Variants in DCC observed in about 807,000 individuals in gnomAD.
The protein encoded by DCC is netrin receptor DCC.
Under a neutral mutation model 172.5 loss-of-function variants are expected in DCC, and 58 were observed. The observed-to-expected ratio is 0.34, with a 90% confidence interval of 0.27 to 0.42. The LOEUF (loss-of-function observed/expected upper bound fraction) is 0.42. Among genes scored for constraint, DCC ranks in the 10% least tolerant of loss-of-function variants. The pLI is 1.00. For synonymous variants in DCC, 709 were observed against 644.5 expected, an observed-to-expected ratio of 1.10 and a Z score of -1.52; for missense variants, 1,740 against 1,791.0, an observed-to-expected ratio of 0.97 and a Z score of 0.51.
At chr18:53,393,130 T>G (rs1349218939) in intron 17 of DCC, among the ~76,000 whole-genome samples, 1 of 139,236 alleles carries the variant, frequency 7.2e-6, no homozygotes, top group African/African-American at 2.6e-5. Flanking sequence ...AGTAGTGATT[T>G]TGGGGGGATG....
intron 2 of DCC, among the ~76,000 whole-genome samples, chr18:52,898,893 C>T (rs2039770863): frequency 6.6e-6 from 1 of 152,124 alleles, no homozygotes; most frequent in South Asian, 2.1e-4. Context: ...GAGGGGCTGG[C>T]CCTGAGACCA....
At position 53,410,613 on chromosome 18, in the gene DCC, C is replaced by T; in HGVS notation, c.3097C>T (p.Leu1033Phe). The change falls in exon 20 of 29, where the codon CTC becomes TTC. Residue 1033 changes from leucine to phenylalanine, a missense_variant. Around this residue, in one of 2 missense-constraint regions of DCC, gnomAD observed 1,732 missense variants for 1,767.4 expected, o/e 0.98. Coordinates refer to ENST00000442544, the MANE Select transcript of DCC (RefSeq NM_005215.4). ...ACGAAATTCAAAAGGAGTGGGGCCA[C>T]TCTCTGATCCTATCCTCTTCAGGAC... is the stretch of plus-strand genomic sequence containing the variant. Reference protein sequence around the residue: ...QARNSKGVGPLSDPILFRTLK... With the variant: ...QARNSKGVGPFSDPILFRTLK... The T allele has an allele frequency of 6.2e-7, 1 of 1,608,284 alleles. No homozygotes were observed. Among genetic ancestry groups the T allele is most frequent in the Admixed American group, 1.7e-5 (1 of 59,980 alleles).
At chr18:53,330,333 C>T (rs1306771567) in intron 14 of DCC, among the ~76,000 whole-genome samples, 2 of 152,110 alleles carry the variant, frequency 1.3e-5, no homozygotes, top group Non-Finnish European at 2.9e-5. Context: ...GCCTCCCTAT[C>T]ACCCTCAACT....
At chr18:52,542,385 C>T (rs1277941517) in intron 1 of DCC, among the ~76,000 whole-genome samples, 1 of 152,026 alleles carries the variant, frequency 6.6e-6, no homozygotes, top group Non-Finnish European at 1.5e-5. Flanking sequence ...TTAAATTAAG[C>T]CACAGAACCA....
At chr18:53,204,197 A>AC (rs369646568) in intron 9 of DCC, among the ~76,000 whole-genome samples, 47 of 150,722 alleles carry the variant, frequency 3.1e-4, no homozygotes, top group African/African-American at 1.1e-3. Flanking sequence ...AGAAAAAAAA[A>AC]CCCTGCACAG....
rs191028735 is a variant in DCC, at chr18:52,829,458, C to T, written c.413-76586C>T. ...AGTCTCTTTAATCTCCAAGATTGTA[C>T]ACATCTGTAAATTTGTGAAATGCCT... On this transcript the variant is annotated intron_variant, in intron 2 of 28. Coordinates refer to ENST00000442544, the MANE Select transcript of DCC (RefSeq NM_005215.4). 1.6e-3 allele frequency among the ~76,000 whole-genome samples: 237 copies of T among 152,278 alleles called. 1 individual carries two copies. Among genetic ancestry groups the T allele is most frequent in the African/African-American group, 5.6e-3 (233 of 41,544 alleles).
At chr18:52,769,602 T>C (rs1222854242) in intron 2 of DCC, among the ~76,000 whole-genome samples, 1 of 152,226 alleles carries the variant, frequency 6.6e-6, no homozygotes, top group East Asian at 1.9e-4. Context: ...CAATTATTTC[T>C]TTCAAGGATC....
Position 52,978,587 on chromosome 18 carries a change from C to T in DCC, c.985+53217C>T, listed in dbSNP as rs367626300. 5.3e-5 allele frequency among the ~76,000 whole-genome samples: 8 copies of T among 152,268 alleles called. No homozygotes were observed. The East Asian group carries it at 9.7e-4, about 18-fold the overall frequency. On this transcript the variant is annotated intron_variant, in intron 5 of 28. Transcript: ENST00000442544. ...TTTTATACAGGAGGAAACCAAAGTA[C>T]AGGTGGTATTGTGCCAAAGACCACA...
intron 7 of DCC, among the ~76,000 whole-genome samples, chr18:53,123,176 A>G (rs1363814134): frequency 2.0e-5 from 3 of 152,086 alleles, no homozygotes; most frequent in Non-Finnish European, 4.4e-5. Context: ...ATGCAAATAC[A>G]TTGGAGGGTA....
chr18:52,704,166 T>C lies in DCC; in HGVS notation c.92-47888T>C, dbSNP rs151171446. ...AATATATTATTAATCTCTGTCAACATACACATAAAACTTCCAACCTTTGTA... is the reference window on the plus strand; with the variant it reads ...AATATATTATTAATCTCTGTCAACACACACATAAAACTTCCAACCTTTGTA... On this transcript the variant is annotated intron_variant, in intron 1 of 28. Coordinates refer to ENST00000442544, the MANE Select transcript of DCC (RefSeq NM_005215.4). Among the ~76,000 whole-genome samples, 23 of 150,592 alleles carry C rather than the reference T, an allele frequency of 1.5e-4. No homozygotes were observed. In the East Asian group the frequency reaches 4.4e-3, roughly 29 times the overall value.
Position 52,737,977 on chromosome 18 carries a change from G to GA in DCC, c.92-14077_92-14076insA, listed in dbSNP as rs543438933. Among the ~76,000 whole-genome samples the GA allele has an allele frequency of 1.3e-4, 20 of 152,194 alleles. No individual in the cohort carries two copies. The South Asian group carries it at 3.9e-3, about 30-fold the overall frequency. On this transcript the variant is annotated intron_variant, in intron 1 of 28. Transcript: ENST00000442544. ...TCATCAGACTACAGCCCAAAGGAGG[G>GA]CCAACTTTGGCCCTCTGCCTGTTTT...
chr18:52,986,616 G>T (rs2041297037), intron 5 of DCC, among the ~76,000 whole-genome samples: 1 of 151,714 alleles, frequency 6.6e-6, no homozygotes, highest in African/African-American at 2.4e-5. Flanking sequence ...TCTTTTTTCA[G>T]AACTGTTATA....
In DCC at chr18:53,403,381, G is replaced by A. The variant is rs182510870; in HGVS notation, c.2935+488G>A. ...TTTAGCTTCTTACTTAAATCATAAA[G>A]TTCACAAAACACTTAATATTGACTG... On this transcript the variant is annotated intron_variant, in intron 19 of 28. Transcript: ENST00000442544. Among the ~76,000 whole-genome samples the A allele has an allele frequency of 2.2e-3, 340 of 152,266 alleles. 1 individual carries two copies. Among genetic ancestry groups the A allele is most frequent in the Non-Finnish European group, 3.8e-3 (261 of 68,026 alleles).
At chr18:53,206,189 C>CATATATAATACATATAT (rs56392136) in intron 10 of DCC, among the ~76,000 whole-genome samples, 13 of 129,198 alleles carry the variant, frequency 1.0e-4, no homozygotes, top group East Asian at 4.3e-4. Flanking sequence ...AATACATATA[C>CATATATAATACATATAT]GTATACATAT....
chr18:53,500,635 C>T (rs2046085354), intron 27 of DCC, among the ~76,000 whole-genome samples: 1 of 151,538 alleles, frequency 6.6e-6, no homozygotes, highest in Non-Finnish European at 1.5e-5. Flanking sequence ...GTACACATCA[C>T]CTCTGATGTT....
intron 25 of DCC, among the ~76,000 whole-genome samples, chr18:53,473,269 A>T (rs925364542): frequency 1.3e-5 from 2 of 152,320 alleles, no homozygotes; most frequent in Admixed American, 1.3e-4. Context: ...TTACTTCATG[A>T]TAAGGATGTA....
intron 5 of DCC, among the ~76,000 whole-genome samples, chr18:52,957,950 A>G (rs972313914): frequency 6.6e-6 from 1 of 152,184 alleles, no homozygotes; most frequent in Non-Finnish European, 1.5e-5. Flanking sequence ...GCTTTAGCAC[A>G]GATTGGGAGA....
At chr18:52,562,338 G>T (rs2033058828) in intron 1 of DCC, among the ~76,000 whole-genome samples, 1 of 152,170 alleles carries the variant, frequency 6.6e-6, no homozygotes. Flanking sequence ...TAACAGACAT[G>T]AATTTTATAT....
chr18:53,391,976 C>A, intron 17 of DCC, 89 bp downstream of exon 17: 1 of 770,602 alleles, frequency 1.3e-6, no homozygotes, highest in Non-Finnish European at 2.3e-6. Flanking sequence ...TGTCATGAGT[C>A]GTTTTGCTGC....
Sources: allele counts gnomAD v4.1 joint callset (sites outside exome capture counted in the v4.1 genomes callset), GRCh38; gene constraint gnomAD v4.1.1; regional missense constraint gnomAD v4.1.1; transcripts MANE v1.5; gene names NCBI Gene and HGNC (gene_info 2026-07-23, HGNC 2026-07-21).